The following PTBP1 variants were observed in gnomAD, a reference collection of about 807,000 sequenced individuals.
PTBP1 encodes the protein polypyrimidine tract-binding protein 1.
In PTBP1, 8 loss-of-function variants were observed where a neutral mutation model predicts 59.8. The observed-to-expected ratio is 0.13, with a 90% CI of 0.08 to 0.24. PTBP1 has a LOEUF of 0.24. Ranked by LOEUF, PTBP1 falls within the 10% of genes least tolerant of loss-of-function variation. PTBP1 has a pLI of 1.00. For synonymous variants in PTBP1, 490 were observed against 320.7 expected (o/e 1.53, Z -5.64); for missense variants, 686 against 767.0 (o/e 0.89, Z 1.25).
chr19:800,293 T>G (rs1051936298), intron 2 of PTBP1, among the ~76,000 whole-genome samples: 21 of 152,160 alleles, frequency 1.4e-4, no homozygotes, highest in South Asian at 2.1e-4. Flanking sequence ...AAAGGTGGTG[T>G]TTGGGGCAAG....
At position 805,525 on chromosome 19, in the gene PTBP1, C is replaced by CAGG; in HGVS notation, c.929_931dup (p.Gly310dup). The CAGG allele has an allele frequency of 1.2e-6, 2 of 1,613,918 alleles. No homozygotes were observed. The highest frequency in any genetic ancestry group is 1.7e-6 in the Non-Finnish European group (2 of 1,179,774). On this transcript the variant is annotated inframe_insertion, in exon 9 of 15. Transcript: ENST00000356948. The stretch of plus-strand genomic sequence containing the variant: ...GGTATAATCTCAGCCTCTCCGTATG[C>CAGG]AGGAGCTGGTTTCCCTCCCACCTTT...
rs370152508 is a variant in PTBP1 at position 811,221 on chromosome 19, TG to T, written c.*402del. 6.3e-6 allele frequency: 1 copy of T among 158,674 alleles called. No homozygotes were observed. Among genetic ancestry groups the T allele is most frequent in the Non-Finnish European group, 1.4e-5 (1 of 72,452 alleles). The allele number at this position is 158,674 out of a possible 1,614,324, so 9.8% of individuals were successfully genotyped here. A position where few individuals can be genotyped will look rare whatever the true frequency, so the allele number is the denominator to read the frequency against. ...CGGGGTGTCCTGGGGACCCAAGGGG[TG>T]GGGGGGTCACACCAGAGAGAGGCAG... On this transcript the variant is annotated 3_prime_UTR_variant, in exon 15 of 15. Transcript: ENST00000356948.
chr19:809,552 C>T (rs887956492), intron 13 of PTBP1, among the ~76,000 whole-genome samples: 2 of 151,508 alleles, frequency 1.3e-5, no homozygotes, highest in Admixed American at 1.3e-4. Context: ...GATCTCCTGA[C>T]TTTGTGATCA....
chr19:806,560 C>G lies in PTBP1; in HGVS notation c.1119+4C>G, dbSNP rs1336567333. ...GGTCAGCAACCTCAACCCAGAGGTA[C>G]GTGGGCTTTTCCTCCGCGCCGCCGT... On this transcript the variant is annotated splice_donor_region_variant and intron_variant, in intron 10 of 14. Coordinates refer to ENST00000356948, the MANE Select transcript of PTBP1 (RefSeq NM_002819.5). 4.7e-6 allele frequency: 7 copies of G among 1,497,650 alleles called. No individual in the cohort carries two copies. Among genetic ancestry groups the G allele is most frequent in the South Asian group, 1.3e-5 (1 of 76,210 alleles). 92.8% of individuals were successfully genotyped at this position (1,497,650 alleles called of 1,614,324 possible). A position where few individuals can be genotyped will look rare whatever the true frequency, so the allele number is the denominator to read the frequency against.
intron 10 of PTBP1, chr19:806,874 G>A (rs1312142308): frequency 8.5e-6 from 2 of 235,778 alleles, no homozygotes; most frequent in Non-Finnish European, 1.6e-5. Flanking sequence ...AGGCCGCCCT[G>A]CTGGTCAGCG....
In PTBP1 at chr19:804,584, C is replaced by T. The variant is rs759489086; in HGVS notation, c.488C>T (p.Ala163Val). ...AVNSVQSGNL[A>V]LAASAAAVDA... is the part of the protein sequence containing the mutation. ...AACTCGGTCCAGTCGGGGAACCTGG[C>T]CTTGGCTGCCTCGGCGGCGGCCGTG... The change falls in exon 6 of 15, where the codon GCC becomes GTC. Residue 163 changes from alanine (A) to valine (V), a missense_variant. Coordinates refer to ENST00000356948, the MANE Select transcript of PTBP1 (RefSeq NM_002819.5). 16 of 1,610,924 alleles carry T rather than the reference C, an allele frequency of 9.9e-6. No individual in the cohort carries two copies. In the African/African-American group the frequency reaches 1.2e-4, roughly 12 times the overall value.
At chr19:806,667 C>T (rs2034594722) in intron 10 of PTBP1, 111 bp downstream of exon 10, 2 of 1,094,070 alleles carry the variant, frequency 1.8e-6, no homozygotes, top group Non-Finnish European at 2.5e-6. Flanking sequence ...GTCTGCGCCT[C>T]TGCCCTGGCA....
chr19:807,976 T>G, intron 11 of PTBP1, 74 bp downstream of exon 11: 24 of 1,413,006 alleles, frequency 1.7e-5, no homozygotes, highest in Non-Finnish European at 2.4e-5. Flanking sequence ...AGACGTATTA[T>G]GAGTTTGCGG....
At chr19:805,465 G>A (rs554803919) in intron 8 of PTBP1, 27 bp from the exon 9 acceptor site, 34 of 1,595,320 alleles carry the variant, frequency 2.1e-5, no homozygotes, top group East Asian at 1.1e-4. Flanking sequence ...TTGTGGGTGC[G>A]ATGATTAGTG....
At chr19:800,436 G>A (rs1219399095) in intron 2 of PTBP1, among the ~76,000 whole-genome samples, 2 of 152,220 alleles carry the variant, frequency 1.3e-5, no homozygotes, top group African/African-American at 2.4e-5. Context: ...GGCGATTCTC[G>A]AGGGAGCTGT....
Position 806,403 on chromosome 19 carries a change from T to C in PTBP1, c.971-5T>C. 6.3e-7 allele frequency: 1 copy of C among 1,599,842 alleles called. No homozygotes were observed. Among genetic ancestry groups the C allele is most frequent in the South Asian group, 1.1e-5 (1 of 90,238 alleles). On this transcript the variant is annotated splice_polypyrimidine_tract_variant and splice_region_variant and intron_variant, in intron 9 of 14. Coordinates refer to ENST00000356948, the MANE Select transcript of PTBP1 (RefSeq NM_002819.5). ...CGCCGCTCATCTCACCTCCTGCTTT[T>C]CCAGGCCTTTCCGTTCCGAACGTCC...
chr19:810,112 A>G (rs1249180033), intron 13 of PTBP1, among the ~76,000 whole-genome samples: 1 of 152,098 alleles, frequency 6.6e-6, no homozygotes, highest in Non-Finnish European at 1.5e-5. Flanking sequence ...TTCAAGACCA[A>G]CCTGGCCAAC....
chr19:797,637 T>G, intron 1 of PTBP1, 132 bp downstream of exon 1: 1 of 486,956 alleles, frequency 2.1e-6, no homozygotes, highest in Non-Finnish European at 3.0e-6. Context: ...CTCCCCTTCC[T>G]CTCCGCGTGG....
At position 799,458 on chromosome 19, in the gene PTBP1, CTT is replaced by C. The variant is rs1491573291; in HGVS notation, c.39+17_39+18del. ...TTGGTACAAAGGTAGGCACTTCTCA[CTT>C]TGCTTCTCCGTGACGCTCCTCTGAC... On this transcript the variant is annotated intron_variant, in intron 2 of 14. Coordinates refer to ENST00000356948, the MANE Select transcript of PTBP1 (RefSeq NM_002819.5). 6 of 1,613,276 alleles carry C rather than the reference CTT, an allele frequency of 3.7e-6. No individual in the cohort carries two copies. The highest frequency in any genetic ancestry group is 8.5e-7 in the Non-Finnish European group (1 of 1,179,498).
chr19:807,347 C>G (rs1203104319), intron 10 of PTBP1: 1 of 156,954 alleles, frequency 6.4e-6, no homozygotes, highest in Non-Finnish European at 1.4e-5. Flanking sequence ...ACGCGCGCTC[C>G]TGGGGGGCGT....
Position 804,654 on chromosome 19 carries a change from C to T in PTBP1, c.558C>T (p.Ile186=), listed in dbSNP as rs753269208. The T allele has an allele frequency of 1.9e-6, 3 of 1,613,118 alleles. No homozygotes were observed. The highest frequency in any genetic ancestry group is 1.7e-5 in the Admixed American group (1 of 60,010). ...AMAGQSPVLR[I]IVENLFYPVT... ...CCGGGCAGAGCCCCGTGCTCAGGAT[C>T]ATCGTGGAGAACCTCTTCTACCCTG... The change falls in exon 6 of 15, where the codon ATC becomes ATT. Residue 186 remains isoleucine, a synonymous_variant. Transcript: ENST00000356948.
intron 2 of PTBP1, 46 bp from the exon 3 acceptor site, chr19:803,515 C>G (rs777604421): frequency 6.4e-7 from 1 of 1,559,546 alleles, no homozygotes; most frequent in South Asian, 1.1e-5. Context: ...AAGGGAGGCT[C>G]TGGCCTGGTG....
intron 13 of PTBP1, among the ~76,000 whole-genome samples, chr19:810,276 C>CGGCGGGA (rs1723213008): frequency 6.6e-6 from 1 of 151,986 alleles, no homozygotes; most frequent in African/African-American, 2.4e-5. Flanking sequence ...ACTGTGCTCC[C>CGGCGGGA]GCCTGGGCGA....
intron 9 of PTBP1, 151 bp from the exon 10 acceptor site, chr19:806,254 GGAC>G (rs2145055453): frequency 1.2e-6 from 1 of 819,404 alleles, no homozygotes; most frequent in East Asian, 3.4e-5. Flanking sequence ...TGCGGGGGTC[GGAC>G]GACCCCACAG....
Sources: gnomAD v4.1 joint callset for allele counts (sites outside exome capture counted in the v4.1 genomes callset) on GRCh38, gnomAD v4.1.1 for gene constraint, MANE v1.5 for transcripts, NCBI Gene and HGNC (gene_info 2026-07-23, HGNC 2026-07-21) for gene names.